The following PHC3 variants were observed in gnomAD, a reference collection of about 807,000 sequenced individuals.
PHC3 encodes polyhomeotic homolog 3.
A neutral mutation model predicts 107.4 loss-of-function variants in PHC3; 13 were observed. The observed-to-expected ratio is 0.12, with a 90% confidence interval of 0.08 to 0.19. PHC3 has a LOEUF of 0.19. Among genes scored for constraint, PHC3 ranks in the 10% least tolerant of loss-of-function variants. The pLI is 1.00. For synonymous variants in PHC3, 456 were observed against 427.4 expected (o/e 1.07, Z -0.83); for missense variants, 992 against 1,210.9 (o/e 0.82, Z 2.68).
chr3:170,113,996 C>T (rs1005614587), intron 10 of PHC3, among the ~76,000 whole-genome samples: 1 of 151,918 alleles, frequency 6.6e-6, no homozygotes, highest in African/African-American at 2.4e-5. Context: ...TGGAGACTAA[C>T]TTTTTTCCTT....
chr3:170,120,020 T>C (rs1719911244), intron 9 of PHC3, among the ~76,000 whole-genome samples: 1 of 152,222 alleles, frequency 6.6e-6, no homozygotes, highest in African/African-American at 2.4e-5. Flanking sequence ...TGTGTTCCAA[T>C]ATTTCAGAAA....
intron 4 of PHC3, among the ~76,000 whole-genome samples, chr3:170,163,494 G>A (rs1728240151): frequency 6.6e-6 from 1 of 151,648 alleles, no homozygotes; most frequent in African/African-American, 2.4e-5. Context: ...GTGTGTGTGT[G>A]TGTGTGTGTG....
chr3:170,111,325 CG>C (rs1717673570), intron 11 of PHC3, among the ~76,000 whole-genome samples: 2 of 99,630 alleles, frequency 2.0e-5, no homozygotes, highest in Non-Finnish European at 3.9e-5. Context: ...AAGGAACGAA[CG>C]AACGAAAGAA....
intron 1 of PHC3, among the ~76,000 whole-genome samples, chr3:170,179,987 A>G (rs1185606475): frequency 1.3e-5 from 2 of 152,188 alleles, no homozygotes; most frequent in Non-Finnish European, 2.9e-5. Context: ...ATGTAAGAAC[A>G]CTTTCTATTC....
chr3:170,161,665 G>T (rs746562059), intron 4 of PHC3, among the ~76,000 whole-genome samples: 2 of 152,190 alleles, frequency 1.3e-5, no homozygotes, highest in Non-Finnish European at 2.9e-5. Flanking sequence ...TCCATGGCCT[G>T]ACCCCTGACT....
rs776886758 is a variant in PHC3, at chr3:170,089,417, G to A, written c.*7813C>T. On this transcript the variant is annotated 3_prime_UTR_variant, in exon 15 of 15. Transcript: ENST00000495893. ...GCATGGAACTGTTTCATGTTTACCC[G>A]TTCTACATTTAAAGGATGCCCTTTT... 9 of 152,036 alleles carry A rather than the reference G, an allele frequency of 5.9e-5. No homozygotes were observed. Among genetic ancestry groups the A allele is most frequent in the African/African-American group, 2.2e-4 (9 of 41,388 alleles). 9.4% of individuals were successfully genotyped at this position (152,036 alleles called of 1,614,324 possible). A position where few individuals can be genotyped will look rare whatever the true frequency, so the allele number is the denominator to read the frequency against.
At chr3:170,117,499 A>G (rs1719254067) in intron 9 of PHC3, 23 bp from the exon 10 acceptor site, 1 of 1,579,888 alleles carries the variant, frequency 6.3e-7, no homozygotes, top group African/African-American at 1.4e-5. Context: ...CCAAAAAGTC[A>G]TTTAAAAATT....
chr3:170,135,891 G>A (rs560143896), intron 7 of PHC3, among the ~76,000 whole-genome samples: 1 of 152,272 alleles, frequency 6.6e-6, no homozygotes, highest in East Asian at 1.9e-4. Flanking sequence ...AGCAAAGGTA[G>A]AATTCAAAGC....
intron 12 of PHC3, among the ~76,000 whole-genome samples, chr3:170,105,105 T>C (rs1046460228): frequency 6.6e-6 from 1 of 152,180 alleles, no homozygotes; most frequent in Non-Finnish European, 1.5e-5. Flanking sequence ...TCAGCAATCA[T>C]CTCTGAGAGA....
At chr3:170,108,765 C>T (rs1316591721) in intron 11 of PHC3, among the ~76,000 whole-genome samples, 4 of 152,152 alleles carry the variant, frequency 2.6e-5, no homozygotes, top group Non-Finnish European at 2.9e-5. Context: ...ACCACCACTG[C>T]CATTAGTTCC....
chr3:170,125,981 C>T (rs1451150550), intron 8 of PHC3: 5 of 980,488 alleles, frequency 5.1e-6, no homozygotes. Context: ...GTCCAATATT[C>T]CCATCTGTTT....
intron 6 of PHC3, among the ~76,000 whole-genome samples, chr3:170,138,615 C>T (rs1411338677): frequency 1.3e-5 from 2 of 148,784 alleles, no homozygotes; most frequent in South Asian, 2.1e-4. Context: ...GCTTGAAACC[C>T]GGAGGCAGAG....
At chr3:170,152,790 A>G (rs1196991301) in intron 4 of PHC3, among the ~76,000 whole-genome samples, 1 of 151,690 alleles carries the variant, frequency 6.6e-6, no homozygotes, top group Non-Finnish European at 1.5e-5. Flanking sequence ...CCTCCTGAGT[A>G]GCTGGGACTA....
At position 170,126,014 on chromosome 3, in the gene PHC3, AAT is replaced by A. The variant is rs1721177371; in HGVS notation, c.1788+2668_1788+2669del. 5 of 965,036 alleles carry A rather than the reference AAT, an allele frequency of 5.2e-6. No individual in the cohort carries two copies. In the South Asian group the frequency reaches 2.4e-4, roughly 46 times the overall value. The allele number at this position is 965,036 out of a possible 1,614,324, so 59.8% of individuals were successfully genotyped here. A position where few individuals can be genotyped will look rare whatever the true frequency, so the allele number is the denominator to read the frequency against. Reference sequence around the variant, plus strand: ...TTTCCCTTTCCTAAATAAACTGAGGAATATTTGTTTATTAGTTCTAAATTATC... The same window carrying A: ...TTTCCCTTTCCTAAATAAACTGAGGAATTTGTTTATTAGTTCTAAATTATC... On this transcript the variant is annotated intron_variant, in intron 8 of 14. Transcript: ENST00000495893.
intron 10 of PHC3, among the ~76,000 whole-genome samples, chr3:170,116,762 T>C (rs1014337030): frequency 1.3e-5 from 2 of 151,068 alleles, no homozygotes; most frequent in Non-Finnish European, 2.9e-5. Flanking sequence ...AATACAAAAA[T>C]TAGTGGGGCA....
rs1202693953 is a variant in PHC3, at chr3:170,096,173, T to C, written c.*1057A>G. 1.3e-5 allele frequency: 2 copies of C among 150,830 alleles called. No homozygotes were observed. Among genetic ancestry groups the C allele is most frequent in the East Asian group, 1.9e-4 (1 of 5,174 alleles). The allele number at this position is 150,830 out of a possible 1,614,324, so 9.3% of individuals were successfully genotyped here. On this transcript the variant is annotated 3_prime_UTR_variant, in exon 15 of 15. Coordinates refer to ENST00000495893, the MANE Select transcript of PHC3 (RefSeq NM_024947.4). ...TATTTGCATGTTTGTCCTTATTTTA[T>C]AGGACAATTTGTAGATTTTTTTTCT...
Position 170,087,939 on chromosome 3 carries a change from A to C in PHC3, c.*9291T>G, listed in dbSNP as rs1457269867. 3 of 152,202 alleles carry C rather than the reference A, an allele frequency of 2.0e-5. No individual in the cohort carries two copies. Among genetic ancestry groups the C allele is most frequent in the Non-Finnish European group, 4.4e-5 (3 of 68,018 alleles). The allele number at this position is 152,202 out of a possible 1,614,324, so 9.4% of individuals were successfully genotyped here. ...AAAGTGCTTTCTCTTTTTTAAAAAA[A>C]TACACCAAATGGACACTTTTTACAT... is the stretch of plus-strand genomic sequence containing the variant. On this transcript the variant is annotated 3_prime_UTR_variant, in exon 15 of 15. Transcript: ENST00000495893.
In PHC3 at chr3:170,111,322, GAAC is replaced by G. The variant is rs1253718199; in HGVS notation, c.2353+2035_2353+2037del. Among the ~76,000 whole-genome samples, 44 of 108,270 alleles carry G rather than the reference GAAC, an allele frequency of 4.1e-4. 1 individual carries two copies. The highest frequency in any genetic ancestry group is 2.6e-3 in the South Asian group (9 of 3,444). 71.0% of individuals were successfully genotyped at this position (108,270 alleles called of 152,430 possible). A position where few individuals can be genotyped will look rare whatever the true frequency, so the allele number is the denominator to read the frequency against. On this transcript the variant is annotated intron_variant, in intron 11 of 14. Coordinates refer to ENST00000495893, the MANE Select transcript of PHC3 (RefSeq NM_024947.4). ...GGAAGGAAGGAAGGAAGGAAGGAACGAACGAACGAAAGAACAAAAGAACGGAAA... is the reference window on the plus strand; with the variant it reads ...GGAAGGAAGGAAGGAAGGAAGGAACGGAACGAAAGAACAAAAGAACGGAAA...
rs1219790747 is a variant in PHC3 at position 170,090,263 on chromosome 3, C to T, written c.*6967G>A. On this transcript the variant is annotated 3_prime_UTR_variant, in exon 15 of 15. Transcript: ENST00000495893. ...CCCAATGTATACAAATATTCCCTCC[C>T]AGTTCCAAGTTTATTAAGATTCCCT... 1 of 152,186 alleles carries T rather than the reference C, an allele frequency of 6.6e-6. No homozygotes were observed. Among genetic ancestry groups the T allele is most frequent in the Non-Finnish European group, 1.5e-5 (1 of 68,036 alleles). The allele number at this position is 152,186 out of a possible 1,614,324, so 9.4% of individuals were successfully genotyped here.
Sources: gnomAD v4.1 joint callset for allele counts (sites outside exome capture counted in the v4.1 genomes callset) on GRCh38, gnomAD v4.1.1 for gene constraint, MANE v1.5 for transcripts, NCBI Gene and HGNC (gene_info 2026-07-23, HGNC 2026-07-21) for gene names.